DOCK6: variants seen among roughly 807,000 people sequenced by gnomAD.
DOCK6 encodes dedicator of cytokinesis protein 6.
A neutral mutation model predicts 230.3 loss-of-function variants in DOCK6; 167 were observed. That is an observed-to-expected ratio of 0.73 (90% confidence interval 0.64 to 0.82). DOCK6 has a LOEUF of 0.82. Among genes scored for constraint, DOCK6 ranks in the 40% least tolerant of loss-of-function variants. DOCK6 has a pLI of 0.00. For missense variants in DOCK6, 2,598 were observed against 2,825.8 expected, an observed-to-expected ratio of 0.92 and a Z score of 1.83; for synonymous variants, 1,148 against 1,185.0, an observed-to-expected ratio of 0.97 and a Z score of 0.64.
At chr19:11,250,667 A>C (rs2080103228) in intron 6 of DOCK6, among the ~76,000 whole-genome samples, 1 of 152,164 alleles carries the variant, frequency 6.6e-6, no homozygotes, top group African/African-American at 2.4e-5. Flanking sequence ...TGCTGGTTGG[A>C]TAAATATAGG....
At position 11,259,881 on chromosome 19, in the gene DOCK6, C is replaced by CTTTTTTTTTTT. The variant is rs1205836383; in HGVS notation, c.44+2505_44+2515dup. Among the ~76,000 whole-genome samples the CTTTTTTTTTTT allele has an allele frequency of 3.4e-3, 232 of 67,762 alleles. 49 individuals are homozygous for CTTTTTTTTTTT. The highest frequency in any genetic ancestry group is 5.9e-3 in the East Asian group (10 of 1,708). 44.5% of individuals were successfully genotyped at this position (67,762 alleles called of 152,430 possible). A position where few individuals can be genotyped will look rare whatever the true frequency, so the allele number is the denominator to read the frequency against. On this transcript the variant is annotated intron_variant, in intron 1 of 47. Transcript: ENST00000294618. ...ACAGACCTGGGCCGCCGCGCCCGGC[C>CTTTTTTTTTTT]TTTTTTTTTTTTTTTTTTTTGAGAC...
chr19:11,243,069 A>T lies in DOCK6; in HGVS notation c.1470T>A (p.Arg490=). Residue 490 remains arginine (R), a synonymous_variant, in exon 13 of 48, where the codon CGT becomes CGA. Coordinates refer to ENST00000294618, the MANE Select transcript of DOCK6 (RefSeq NM_020812.4). The surrounding 1 kb of genome is among the most constrained non-coding windows in gnomAD (Gnocchi z 6.3). The part of the protein sequence containing the change: ...RRPSSLLRRL[R]PVTAQLKIDI... ...GGGTGTGCCACGCACCAGTCACAGGACGTAGTCGCCGCAGCAGGGACGACG... is the reference window on the plus strand; with the variant it reads ...GGGTGTGCCACGCACCAGTCACAGGTCGTAGTCGCCGCAGCAGGGACGACG... 1 of 1,613,890 alleles carries T rather than the reference A, an allele frequency of 6.2e-7. No individual in the cohort carries two copies. The highest frequency in any genetic ancestry group is 1.1e-5 in the South Asian group (1 of 91,084).
chr19:11,229,646 G>T (rs191933224), intron 22 of DOCK6, among the ~76,000 whole-genome samples: 1 of 152,106 alleles, frequency 6.6e-6, no homozygotes, highest in Admixed American at 6.6e-5. Context: ...GGGAGTAGAC[G>T]GGGCAGTGGA....
In DOCK6 at chr19:11,245,849, C is replaced by T; in HGVS notation, c.836G>A (p.Gly279Glu). ...KFEIEIEPIF[G>E]ILALYDVREK... ...CCGCACATCATACAGAGCCAAGATC[C>T]CAAAGATGGGCTCAATTTCAATCTC... Residue 279 changes from glycine (G) to glutamate (E), a missense_variant, in exon 8 of 48, where the codon GGG (glycine) becomes GAG (glutamate). Transcript: ENST00000294618. 6.4e-7 allele frequency: 1 copy of T among 1,569,996 alleles called. No homozygotes were observed. Among genetic ancestry groups the T allele is most frequent in the Non-Finnish European group, 8.6e-7 (1 of 1,157,120 alleles).
At chr19:11,239,700 G>A (rs372882086) in intron 14 of DOCK6, 131 of 1,613,492 alleles carry the variant, frequency 8.1e-5, no homozygotes, top group Middle Eastern at 3.3e-4. Flanking sequence ...CTGCCTCAGC[G>A]GCCCCCATGG....
chr19:11,222,097 A>C lies in DOCK6; in HGVS notation c.3380+12T>G, dbSNP rs949527791. 3.7e-6 allele frequency: 6 copies of C among 1,611,730 alleles called. No individual in the cohort carries two copies. The highest frequency in any genetic ancestry group is 8.5e-7 in the Non-Finnish European group (1 of 1,178,558). On this transcript the variant is annotated intron_variant, in intron 27 of 47. Coordinates refer to ENST00000294618, the MANE Select transcript of DOCK6 (RefSeq NM_020812.4). The surrounding 1 kb of genome is among the most constrained non-coding windows in gnomAD (Gnocchi z 4.0). ...CCCACCTGTCCTGGGGCTAGACAGG[A>C]GCTCTGCTCACCCTTCAGCCTCAGG...
In DOCK6 at chr19:11,248,120, T is replaced by C. The variant is rs2080063824; in HGVS notation, c.752A>G (p.Glu251Gly). The change falls in exon 7 of 48, where the codon GAG becomes GGG. Residue 251 changes from glutamate to glycine, a missense_variant. Glu to Gly is a moderately conservative substitution (Grantham distance 98, BLOSUM62 -2). Coordinates refer to ENST00000294618, the MANE Select transcript of DOCK6 (RefSeq NM_020812.4). The stretch of plus-strand genomic sequence containing the variant: ...TTGTCCAAAGTGCTCGCGGGGTGGC[T>C]CTGGGCGGCTACAGCGTTCCACGGC... Reference protein sequence around the residue: ...DEAVERCSRPEPPREHFGQRI... With the variant: ...DEAVERCSRPGPPREHFGQRI... 2 of 1,611,574 alleles carry C rather than the reference T, an allele frequency of 1.2e-6. No individual in the cohort carries two copies. The highest frequency in any genetic ancestry group is 1.7e-6 in the Non-Finnish European group (2 of 1,178,876).
In DOCK6 at chr19:11,238,190, C is replaced by T. The variant is rs913516637; in HGVS notation, c.1758G>A (p.Leu586=). ...TCCCTGGGGCACAGCCACTGACCGG[C>T]AGAGCCTGGCTGGGGTCCTCGCCTG... ...YMTGEDPSQA[L]PVIFGKSSCS... The change falls in exon 15 of 48, where the codon CTG becomes CTA. Residue 586 remains leucine, a synonymous_variant. Coordinates refer to ENST00000294618, the MANE Select transcript of DOCK6 (RefSeq NM_020812.4). 9 of 1,613,726 alleles carry T rather than the reference C, an allele frequency of 5.6e-6. No homozygotes were observed. The highest frequency in any genetic ancestry group is 6.8e-6 in the Non-Finnish European group (8 of 1,179,662).
In DOCK6 at chr19:11,208,977, G is replaced by A. The variant is rs748760610; in HGVS notation, c.4878C>T (p.Leu1626=). ...AAQCMVHAAA[L]VAEYLALLED... ...CGAGCAGGGCGAGGTACTCAGCCAC[G>A]AGGGCGGCCGCGTGCACCATGCACT... is the stretch of plus-strand genomic sequence containing the variant. Residue 1626 remains leucine, a synonymous_variant, in exon 38 of 48, where the codon CTC becomes CTT. Coordinates refer to ENST00000294618, the MANE Select transcript of DOCK6 (RefSeq NM_020812.4). 4.3e-5 allele frequency: 69 copies of A among 1,606,410 alleles called. No homozygotes were observed. Among genetic ancestry groups the A allele is most frequent in the Non-Finnish European group, 4.9e-5 (58 of 1,175,398 alleles).
intron 24 of DOCK6, among the ~76,000 whole-genome samples, chr19:11,226,444 A>G (rs1036954124): frequency 2.0e-5 from 3 of 152,228 alleles, no homozygotes; most frequent in Non-Finnish European, 1.5e-5. Context: ...AGATCACCTG[A>G]GGTTAGGAGT....
In DOCK6 at chr19:11,200,302, A is replaced by T; in HGVS notation, c.6101+6T>A. The T allele has an allele frequency of 6.4e-7, 1 of 1,559,006 alleles. No individual in the cohort carries two copies. The highest frequency in any genetic ancestry group is 8.7e-7 in the Non-Finnish European group (1 of 1,151,536). Reference sequence around the variant, plus strand: ...GTCTCTAGGATGGGGGCACTAGGTCAGGCACCTGAGGCCGGGTGGGGTGGG... The same window carrying T: ...GTCTCTAGGATGGGGGCACTAGGTCTGGCACCTGAGGCCGGGTGGGGTGGG... On this transcript the variant is annotated splice_donor_region_variant and intron_variant, in intron 47 of 47. Transcript: ENST00000294618. The surrounding 1 kb of genome is among the most constrained non-coding windows in gnomAD (Gnocchi z 4.3).
rs1366208714 is a variant in DOCK6 at position 11,252,771 on chromosome 19, G to T, written c.308+12C>A. 5 of 1,606,068 alleles carry T rather than the reference G, an allele frequency of 3.1e-6. No individual in the cohort carries two copies. In the African/African-American group the frequency reaches 5.3e-5, roughly 17 times the overall value. On this transcript the variant is annotated intron_variant, in intron 3 of 47. Coordinates refer to ENST00000294618, the MANE Select transcript of DOCK6 (RefSeq NM_020812.4). ...GGAATCACAGGCAGAGAGGGCGTGG[G>T]GCTGAACCCACTCATCCTTGGGGAT... is the stretch of plus-strand genomic sequence containing the variant.
intron 17 of DOCK6, 36 bp from the exon 18 acceptor site, chr19:11,237,593 T>C (rs758908296): frequency 4.8e-5 from 62 of 1,289,374 alleles, no homozygotes; most frequent in South Asian, 3.5e-4. Flanking sequence ...TGCGGCCAGG[T>C]TGGGGGACGA....
rs1307920236 is a variant in DOCK6, at chr19:11,250,885, C to T, written c.709G>A (p.Ala237Thr). Residue 237 changes from alanine (A) to threonine (T), a missense_variant, in exon 6 of 48, where the codon GCA becomes ACA. Coordinates refer to ENST00000294618, the MANE Select transcript of DOCK6 (RefSeq NM_020812.4). ...GAAGGGGCACCCACCTCGTCAGGTG[C>T]CGGGTAGAGGGTGAGCAGGGCCGGG... ...RPPALLTLYP[A>T]PDEDEAVERC... The T allele has an allele frequency of 6.3e-7, 1 of 1,596,158 alleles. No individual in the cohort carries two copies. The highest frequency in any genetic ancestry group is 1.1e-5 in the South Asian group (1 of 90,762).
rs2079595038 is a variant in DOCK6, at chr19:11,222,415, A to G, written c.3241-167T>C. The G allele has an allele frequency of 2.0e-6, 2 of 978,356 alleles. No individual in the cohort carries two copies. The highest frequency in any genetic ancestry group is 2.6e-5 in the East Asian group (1 of 37,858). The allele number at this position is 978,356 out of a possible 1,614,324, so 60.6% of individuals were successfully genotyped here. A position where few individuals can be genotyped will look rare whatever the true frequency, so the allele number is the denominator to read the frequency against. ...GACAGTGGGCATGGGTTTCAAGGCC[A>G]GAAGTGAGGGGCTGACGTTAACCCA... On this transcript the variant is annotated intron_variant, in intron 26 of 47. Transcript: ENST00000294618. The surrounding 1 kb of genome is among the most constrained non-coding windows in gnomAD (Gnocchi z 4.0).
At chr19:11,206,046 G>C (rs2079255032) in intron 39 of DOCK6, 1 of 152,136 alleles carries the variant, frequency 6.6e-6, no homozygotes, top group Admixed American at 6.5e-5. Flanking sequence ...GTGTGACCTT[G>C]AATCTCACTG....
intron 39 of DOCK6, among the ~76,000 whole-genome samples, chr19:11,207,887 G>A (rs951932088): frequency 2.6e-5 from 4 of 151,966 alleles, no homozygotes; most frequent in Admixed American, 1.3e-4. Context: ...CCATGATCAC[G>A]CCACCGCACT....
In DOCK6 at chr19:11,201,421, C is replaced by T. The variant is rs2079167089; in HGVS notation, c.5689-369G>A. 6.6e-6 allele frequency among the ~76,000 whole-genome samples: 1 copy of T among 151,776 alleles called. No homozygotes were observed. ...GGTCTGGAATCCCTGGGCTTCTCCT[C>T]CCTGGGCCTTCTTAGATTTGGAGTC... On this transcript the variant is annotated intron_variant, in intron 44 of 47. Transcript: ENST00000294618. This position sits in a 1 kb window ranked among gnomAD's most constrained non-coding sequence, Gnocchi z 4.3.
At chr19:11,237,400 C>T in intron 18 of DOCK6, 56 bp downstream of exon 18, 3 of 1,600,122 alleles carry the variant, frequency 1.9e-6, no homozygotes, top group Admixed American at 1.7e-5. Flanking sequence ...AGGCAGGTGA[C>T]TCGGGAGTGC....
Sources: allele counts gnomAD v4.1 joint callset (sites outside exome capture counted in the v4.1 genomes callset), GRCh38; gene constraint gnomAD v4.1.1; non-coding constraint Gnocchi (gnomAD v3.1); transcripts MANE v1.5; gene names NCBI Gene and HGNC (gene_info 2026-07-23, HGNC 2026-07-21).